The following GPHN variants were observed in gnomAD, a reference collection of about 807,000 sequenced individuals.
GPHN encodes the protein gephyrin.
Under a neutral mutation model 95.5 loss-of-function variants are expected in GPHN, and 17 were observed. The ratio of observed to expected loss-of-function variants is 0.18; its 90% CI spans 0.12 to 0.27. GPHN has a LOEUF of 0.27. GPHN is among the 10% of genes least tolerant of loss of function. The pLI is 1.00. For synonymous variants in GPHN, 320 were observed against 322.5 expected (o/e 0.99, Z 0.08); for missense variants, 660 against 978.1 (o/e 0.67, Z 4.34).
the GPHN span, among the ~76,000 whole-genome samples, chr14:67,456,769 A>T: frequency 1.3e-5 from 2 of 152,168 alleles, no homozygotes; most frequent in Non-Finnish European, 2.9e-5. Flanking sequence ...TACCAATCCC[A>T]TTACTGGGTT....
the GPHN span, among the ~76,000 whole-genome samples, chr14:67,717,639 C>T: frequency 2.4e-4 from 37 of 152,326 alleles, no homozygotes; most frequent in African/African-American, 6.7e-4. Context: ...GCTGGCAATG[C>T]CAGGAGACAT....
chr14:67,322,069 G>C, the GPHN span, among the ~76,000 whole-genome samples: 1 of 152,136 alleles, frequency 6.6e-6, no homozygotes, highest in African/African-American at 2.4e-5. Context: ...TTACTAACTA[G>C]TGCCTCTTAG....
At chr14:66,551,508 C>T (rs889073829) in intron 1 of GPHN, among the ~76,000 whole-genome samples, 2 of 152,182 alleles carry the variant, frequency 1.3e-5, no homozygotes, top group Non-Finnish European at 2.9e-5. Flanking sequence ...AAGTCTTGAG[C>T]TAGAAAGTTT....
chr14:66,964,448 G>A (rs1485729865), intron 8 of GPHN, among the ~76,000 whole-genome samples: 1 of 152,154 alleles, frequency 6.6e-6, no homozygotes, highest in Admixed American at 6.6e-5. Context: ...AGTTCAATAA[G>A]AACCTATAGG....
At chr14:67,573,861 C>T in the GPHN span, 1 of 1,613,384 alleles carries the variant, frequency 6.2e-7, no homozygotes, top group Non-Finnish European at 8.5e-7. The surrounding 1 kb of genome is among the most constrained non-coding windows in gnomAD (Gnocchi z 4.8). Flanking sequence ...CCAAATTGTT[C>T]GAGGGGAGGG....
the GPHN span, among the ~76,000 whole-genome samples, chr14:67,280,792 TTTCCTTCCTTCCTTCCTTCCTTCC>T: frequency 2.8e-4 from 22 of 77,662 alleles, no homozygotes; most frequent in South Asian, 9.5e-4. Flanking sequence ...TCTGGAGCAG[TTTCCTTCCTTCCTTCCTTCCTTCC>T]TTCCTTCCTT....
intron 2 of GPHN, among the ~76,000 whole-genome samples, chr14:66,709,902 G>A (rs925738895): frequency 1.3e-5 from 2 of 151,906 alleles, no homozygotes; most frequent in Non-Finnish European, 2.9e-5. Flanking sequence ...AGAGAAGTTG[G>A]ATTGCAGGAA....
intron 1 of GPHN, among the ~76,000 whole-genome samples, chr14:66,573,392 A>C (rs1234134411): frequency 6.6e-6 from 1 of 151,760 alleles, no homozygotes; most frequent in Non-Finnish European, 1.5e-5. Flanking sequence ...GGGTGCATAT[A>C]AACTTACAAT....
intron 1 of GPHN, among the ~76,000 whole-genome samples, chr14:66,622,827 G>A (rs180733384): frequency 1.3e-5 from 2 of 152,170 alleles, no homozygotes; most frequent in Admixed American, 6.5e-5. Context: ...CAGCATTTTT[G>A]TCAAAGCCAT....
the GPHN span, among the ~76,000 whole-genome samples, chr14:67,535,007 C>T: frequency 6.0e-4 from 91 of 152,246 alleles, no homozygotes; most frequent in African/African-American, 1.9e-3. Flanking sequence ...AAAAGCCACA[C>T]GATAGGATAC....
chr14:67,276,962 T>C, the GPHN span, among the ~76,000 whole-genome samples: 1 of 152,218 alleles, frequency 6.6e-6, no homozygotes, highest in Non-Finnish European at 1.5e-5. Flanking sequence ...CATTTAATAT[T>C]AAATTTGATT....
At chr14:67,000,743 A>G (rs184508963) in intron 9 of GPHN, among the ~76,000 whole-genome samples, 178 of 151,774 alleles carry the variant, frequency 1.2e-3, no homozygotes, top group South Asian at 6.2e-4. Context: ...AAATAAAATT[A>G]GTATATATCT....
chr14:67,256,124 T>C, the GPHN span, among the ~76,000 whole-genome samples: 6 of 152,240 alleles, frequency 3.9e-5, no homozygotes, highest in African/African-American at 1.2e-4. Context: ...TTGTAAGATA[T>C]CCAAATAGTA....
chr14:67,491,182 C>A, the GPHN span, among the ~76,000 whole-genome samples: 2 of 152,150 alleles, frequency 1.3e-5, no homozygotes, highest in Non-Finnish European at 2.9e-5. Context: ...AAACACTTAC[C>A]TTTACTGATT....
intron 2 of GPHN, among the ~76,000 whole-genome samples, chr14:66,725,806 A>G (rs1674583133): frequency 6.6e-6 from 1 of 152,222 alleles, no homozygotes; most frequent in South Asian, 2.1e-4. Flanking sequence ...TTTTAACAAG[A>G]AAATATTTCT....
At position 67,136,264 on chromosome 14, in the gene GPHN, A is replaced by G. The variant is rs568763377; in HGVS notation, c.1749-7098A>G. 1.1e-4 allele frequency among the ~76,000 whole-genome samples: 17 copies of G among 152,310 alleles called. No individual in the cohort carries two copies. In the South Asian group the frequency reaches 3.5e-3, roughly 32 times the overall value. On this transcript the variant is annotated intron_variant, in intron 17 of 22. Coordinates refer to ENST00000478722, the MANE Select transcript of GPHN (RefSeq NM_020806.5). The stretch of plus-strand genomic sequence containing the variant: ...TTGGGCCTGGTGAGAATGGAGTTAC[A>G]GTGGGAAAGAGGATCATGAGTGGCA...
At chr14:67,662,406 C>T in the GPHN span, 1 of 1,279,594 alleles carries the variant, frequency 7.8e-7, no homozygotes, top group Non-Finnish European at 1.1e-6. Flanking sequence ...AATTTGTGAT[C>T]AGCTCATAGC....
chr14:66,879,037 A>G (rs61386326), intron 4 of GPHN, among the ~76,000 whole-genome samples: 44,789 of 151,930 alleles, frequency 0.29, 10,676 homozygotes, highest in African/African-American at 0.63. Flanking sequence ...ATAAAAAAGG[A>G]TGAGTTTATG....
the GPHN span, among the ~76,000 whole-genome samples, chr14:67,639,947 AAAG>A: frequency 6.6e-6 from 1 of 150,984 alleles, no homozygotes; most frequent in African/African-American, 2.4e-5. Flanking sequence ...AAAAAAAAAA[AAAG>A]TCTGTGCAGT....
Sources: gnomAD v4.1 joint callset for allele counts (sites outside exome capture counted in the v4.1 genomes callset) on GRCh38, gnomAD v4.1.1 for gene constraint, Gnocchi (gnomAD v3.1) non-coding constraint, MANE v1.5 for transcripts, NCBI Gene and HGNC (gene_info 2026-07-23, HGNC 2026-07-21) for gene names.